ENTREP2: variants seen among roughly 807,000 people sequenced by gnomAD.
ENTREP2 encodes the protein protein ENTREP2.
At chr15:29,377,535 G>A in the ENTREP2 span, among the ~76,000 whole-genome samples, 9 of 152,180 alleles carry the variant, frequency 5.9e-5, no homozygotes, top group East Asian at 5.8e-4. Flanking sequence ...CAAATAAAAT[G>A]AGTCACGGCC....
the ENTREP2 span, among the ~76,000 whole-genome samples, chr15:29,493,588 G>T: frequency 9.2e-6 from 1 of 109,022 alleles, no homozygotes; most frequent in African/African-American, 4.9e-5. Flanking sequence ...CTGCACTCCA[G>T]CCAGTGTGCA....
the ENTREP2 span, among the ~76,000 whole-genome samples, chr15:29,599,972 C>G: frequency 6.6e-6 from 1 of 152,132 alleles, no homozygotes; most frequent in Non-Finnish European, 1.5e-5. Context: ...CACAAATAAA[C>G]TGTAAAGCCA....
the ENTREP2 span, among the ~76,000 whole-genome samples, chr15:29,165,093 A>G: frequency 6.6e-6 from 1 of 152,164 alleles, no homozygotes; most frequent in African/African-American, 2.4e-5. Flanking sequence ...AAACGAAATC[A>G]AGGTGGAAAT....
At chr15:29,542,474 A>AT in the ENTREP2 span, among the ~76,000 whole-genome samples, 65,499 of 146,116 alleles carry the variant, frequency 0.45, 15,108 homozygotes, top group African/African-American at 0.61. Flanking sequence ...AATTTGTTGT[A>AT]TTTTTTTTTT....
chr15:29,163,413 A>AG, the ENTREP2 span, among the ~76,000 whole-genome samples: 1 of 152,130 alleles, frequency 6.6e-6, no homozygotes. Context: ...AATCCAAAAA[A>AG]CGATACAAGA....
At chr15:29,423,630 A>G in the ENTREP2 span, among the ~76,000 whole-genome samples, 1 of 28,300 alleles carries the variant, frequency 3.5e-5, no homozygotes, top group Non-Finnish European at 7.9e-5. Flanking sequence ...TACTAAAAAT[A>G]CAAAAAAAAA....
chr15:29,286,394 A>G, the ENTREP2 span, among the ~76,000 whole-genome samples: 1 of 152,256 alleles, frequency 6.6e-6, no homozygotes, highest in Non-Finnish European at 1.5e-5. Flanking sequence ...TAGAATGAAA[A>G]TAACAGCATA....
chr15:29,279,457 C>T, the ENTREP2 span, among the ~76,000 whole-genome samples: 25 of 151,906 alleles, frequency 1.6e-4, no homozygotes, highest in Non-Finnish European at 8.8e-5. Flanking sequence ...CTCCACCTCC[C>T]GGGTTCAAGT....
the ENTREP2 span, among the ~76,000 whole-genome samples, chr15:29,499,946 G>A: frequency 1.8e-4 from 27 of 152,194 alleles, no homozygotes; most frequent in Non-Finnish European, 3.4e-4. Context: ...GAGCTGGAGT[G>A]TATACACTAA....
chr15:29,448,949 C>T, the ENTREP2 span, among the ~76,000 whole-genome samples: 1 of 152,168 alleles, frequency 6.6e-6, no homozygotes, highest in Admixed American at 6.5e-5. Context: ...CAGCTCCAAC[C>T]AGGGGTCTCT....
chr15:29,160,117 C>T, the ENTREP2 span, among the ~76,000 whole-genome samples: 4 of 152,226 alleles, frequency 2.6e-5, no homozygotes, highest in Non-Finnish European at 5.9e-5. Context: ...CAGCTGCTGG[C>T]CCAGGTGCTA....
At chr15:29,517,269 T>A in the ENTREP2 span, among the ~76,000 whole-genome samples, 1 of 152,162 alleles carries the variant, frequency 6.6e-6, no homozygotes, top group Non-Finnish European at 1.5e-5. Flanking sequence ...CCCTAAGTGC[T>A]TTACATTATA....
the ENTREP2 span, among the ~76,000 whole-genome samples, chr15:29,336,639 C>G: frequency 1.2e-5 from 1 of 84,952 alleles, no homozygotes; most frequent in African/African-American, 2.6e-5. Flanking sequence ...CAAAAGAAAA[C>G]AGTGTACTAA....
the ENTREP2 span, among the ~76,000 whole-genome samples, chr15:29,419,616 G>A: frequency 2.0e-5 from 3 of 152,120 alleles, no homozygotes; most frequent in Admixed American, 6.5e-5. Flanking sequence ...TTCAGTAAGC[G>A]CTGCAAAGCT....
At chr15:29,629,416 GTTA>G in the ENTREP2 span, among the ~76,000 whole-genome samples, 1 of 152,086 alleles carries the variant, frequency 6.6e-6, no homozygotes, top group Non-Finnish European at 1.5e-5. Flanking sequence ...TTACCTGAAT[GTTA>G]TTTAGAATTT....
At chr15:29,252,768 A>G in the ENTREP2 span, among the ~76,000 whole-genome samples, 1 of 152,230 alleles carries the variant, frequency 6.6e-6, no homozygotes, top group African/African-American at 2.4e-5. Context: ...AAGACTGTGC[A>G]TTATATACTC....
chr15:29,493,885 G>T, the ENTREP2 span, among the ~76,000 whole-genome samples: 4 of 152,048 alleles, frequency 2.6e-5, no homozygotes, highest in African/African-American at 7.2e-5. Context: ...GCTGAGGCAG[G>T]AGAGTTGCTT....
At chr15:29,445,215 G>A in the ENTREP2 span, among the ~76,000 whole-genome samples, 1 of 152,186 alleles carries the variant, frequency 6.6e-6, no homozygotes, top group Non-Finnish European at 1.5e-5. Context: ...TTTACAAGAA[G>A]AAATATATAT....
At chr15:29,567,940 T>C in the ENTREP2 span, among the ~76,000 whole-genome samples, 2 of 152,302 alleles carry the variant, frequency 1.3e-5, no homozygotes, top group Admixed American at 6.5e-5. Context: ...TATGGATTTC[T>C]TTATGAAGCC....
Sources: allele counts gnomAD v4.1 joint callset (sites outside exome capture counted in the v4.1 genomes callset), GRCh38; gene constraint gnomAD v4.1.1; transcripts MANE v1.5; gene names NCBI Gene and HGNC (gene_info 2026-07-23, HGNC 2026-07-21).